Variants in GALNTL6 observed in about 807,000 individuals in gnomAD.
The protein encoded by GALNTL6 is polypeptide N-acetylgalactosaminyltransferase-like 6.
GALNTL6 carries 46 observed loss-of-function variants against 73.7 expected under a neutral mutation model. That is an observed-to-expected ratio of 0.62 (90% CI 0.49 to 0.80). The LOEUF (loss-of-function observed/expected upper bound fraction) is 0.80, where lower values mean the gene tolerates loss of function less well. Ranked by LOEUF, GALNTL6 falls within the 30% of genes least tolerant of loss-of-function variation. The pLI is 0.00. For synonymous variants in GALNTL6, 259 were observed against 263.7 expected (o/e 0.98, Z 0.17); for missense variants, 604 against 755.0 (o/e 0.80, Z 2.34).
chr4:172,788,242 C>T (rs1739774007), intron 5 of GALNTL6, among the ~76,000 whole-genome samples: 1 of 152,092 alleles, frequency 6.6e-6, no homozygotes, highest in African/African-American at 2.4e-5. Flanking sequence ...GCACACACCT[C>T]TAGTCCTAGC....
intron 5 of GALNTL6, among the ~76,000 whole-genome samples, chr4:172,730,160 G>A (rs891091674): frequency 1.3e-5 from 2 of 152,104 alleles, no homozygotes; most frequent in African/African-American, 4.8e-5. Flanking sequence ...AAATGTAAGA[G>A]TGTGTTTTTT....
At chr4:172,053,202 T>C (rs1730926353) in intron 2 of GALNTL6, among the ~76,000 whole-genome samples, 1 of 152,208 alleles carries the variant, frequency 6.6e-6, no homozygotes, top group South Asian at 2.1e-4. Flanking sequence ...ATTTTAGTGA[T>C]GAGAATTTTG....
At chr4:171,979,200 C>T (rs1739815352) in intron 2 of GALNTL6, among the ~76,000 whole-genome samples, 1 of 152,146 alleles carries the variant, frequency 6.6e-6, no homozygotes, top group African/African-American at 2.4e-5. Context: ...CACGGCCATC[C>T]ACACAAAGGC....
chr4:172,353,358 C>T (rs1742032030), intron 5 of GALNTL6, among the ~76,000 whole-genome samples: 1 of 152,102 alleles, frequency 6.6e-6, no homozygotes, highest in Non-Finnish European at 1.5e-5. Context: ...CTTCAAAAAT[C>T]TCCTGTTTCT....
chr4:172,562,737 G>A (rs1351272356), intron 5 of GALNTL6, among the ~76,000 whole-genome samples: 1 of 152,206 alleles, frequency 6.6e-6, no homozygotes, highest in Non-Finnish European at 1.5e-5. Flanking sequence ...CTGTCTCAGT[G>A]TGATCTTCAT....
At chr4:171,949,723 TCA>T (rs1377292940) in intron 2 of GALNTL6, among the ~76,000 whole-genome samples, 1 of 151,916 alleles carries the variant, frequency 6.6e-6, no homozygotes, top group Middle Eastern at 3.4e-3. Context: ...AATTAATGAA[TCA>T]CACAATGAGT....
chr4:172,367,121 TTTC>T (rs1263692825), intron 5 of GALNTL6, among the ~76,000 whole-genome samples: 2 of 152,130 alleles, frequency 1.3e-5, no homozygotes, highest in Non-Finnish European at 2.9e-5. Context: ...AGGCATGTCT[TTTC>T]TTTAGATAAA....
intron 5 of GALNTL6, among the ~76,000 whole-genome samples, chr4:172,564,298 A>G (rs554616302): frequency 6.6e-6 from 1 of 152,358 alleles, no homozygotes; most frequent in South Asian, 2.1e-4. Context: ...GTTGAGAAGA[A>G]AAAAGGTTGA....
intron 2 of GALNTL6, among the ~76,000 whole-genome samples, chr4:172,058,511 C>T (rs1290939359): frequency 1.3e-5 from 2 of 151,678 alleles, no homozygotes; most frequent in Non-Finnish European, 2.9e-5. Flanking sequence ...GATTTTTTTT[C>T]TTACACTTAG....
At chr4:172,443,457 C>T (rs937074987) in intron 5 of GALNTL6, among the ~76,000 whole-genome samples, 1 of 151,728 alleles carries the variant, frequency 6.6e-6, no homozygotes, top group East Asian at 1.9e-4. Context: ...TGAGCCACTG[C>T]GCCCAGCTAT....
chr4:172,463,937 T>C (rs1455952637), intron 5 of GALNTL6, among the ~76,000 whole-genome samples: 1 of 152,240 alleles, frequency 6.6e-6, no homozygotes, highest in Non-Finnish European at 1.5e-5. Context: ...TTATGAATAA[T>C]AGTTACTTTC....
At chr4:172,876,253 TA>T (rs1413032882) in intron 7 of GALNTL6, among the ~76,000 whole-genome samples, 4 of 152,178 alleles carry the variant, frequency 2.6e-5, no homozygotes, top group African/African-American at 9.7e-5. Flanking sequence ...AAAACAGAAT[TA>T]TAAATCATGG....
intron 2 of GALNTL6, among the ~76,000 whole-genome samples, chr4:171,932,030 TG>T (rs1738201314): frequency 6.6e-6 from 1 of 152,206 alleles, no homozygotes; most frequent in Non-Finnish European, 1.5e-5. Context: ...TATAGAGTGA[TG>T]TTTTTCATTT....
At chr4:172,032,610 A>G (rs1741802566) in intron 2 of GALNTL6, among the ~76,000 whole-genome samples, 1 of 152,072 alleles carries the variant, frequency 6.6e-6, no homozygotes, top group South Asian at 2.1e-4. Flanking sequence ...TCATATTGTT[A>G]AAACCTGCCT....
At position 172,470,746 on chromosome 4, in the gene GALNTL6, C is replaced by T. The variant is rs140662745; in HGVS notation, c.553+122057C>T. 2.4e-4 allele frequency among the ~76,000 whole-genome samples: 36 copies of T among 152,298 alleles called. No homozygotes were observed. The East Asian group carries it at 5.6e-3, about 24-fold the overall frequency. ...ACCCTAAAGGACTTTTCTCCCAAAA[C>T]GGAACAGTTGATTCCACAATTCATG... On this transcript the variant is annotated intron_variant, in intron 5 of 12. Transcript: ENST00000506823.
intron 12 of GALNTL6, among the ~76,000 whole-genome samples, chr4:173,031,757 T>C (rs1308809831): frequency 1.3e-5 from 2 of 152,160 alleles, no homozygotes; most frequent in African/African-American, 4.8e-5. Flanking sequence ...TAAAGAGATA[T>C]GGATAGACGG....
intron 2 of GALNTL6, among the ~76,000 whole-genome samples, chr4:171,948,405 A>G (rs1738767879): frequency 6.6e-6 from 1 of 152,220 alleles, no homozygotes; most frequent in African/African-American, 2.4e-5. Context: ...CCCTGGGTGT[A>G]AATGTATATA....
At chr4:172,445,109 C>T (rs929049892) in intron 5 of GALNTL6, among the ~76,000 whole-genome samples, 1 of 152,194 alleles carries the variant, frequency 6.6e-6, no homozygotes. Flanking sequence ...CACTATTCCT[C>T]AGAGAACTTT....
intron 7 of GALNTL6, among the ~76,000 whole-genome samples, chr4:172,852,929 G>A (rs1247032063): frequency 6.6e-6 from 1 of 152,138 alleles, no homozygotes; most frequent in Non-Finnish European, 1.5e-5. Context: ...ATATACTAGA[G>A]GAGGGAGAAA....
Sources: allele counts gnomAD v4.1 joint callset (sites outside exome capture counted in the v4.1 genomes callset), GRCh38; gene constraint gnomAD v4.1.1; transcripts MANE v1.5; gene names NCBI Gene and HGNC (gene_info 2026-07-23, HGNC 2026-07-21).